LPAR6: variants seen among roughly 807,000 people sequenced by gnomAD.
LPAR6 encodes the protein lysophosphatidic acid receptor 6.
A neutral mutation model predicts 22.0 loss-of-function variants in LPAR6; 17 were observed. That is an observed-to-expected ratio of 0.77 (90% CI 0.53 to 1.16). The LOEUF is 1.16. Ranked by LOEUF, LPAR6 falls within the 50% of genes most tolerant of loss-of-function variation. The pLI is 0.00. For missense variants in LPAR6, 384 were observed against 406.9 expected, an observed-to-expected ratio of 0.94 and a Z score of 0.48; for synonymous variants, 136 against 139.8, an observed-to-expected ratio of 0.97 and a Z score of 0.19.
chr13:48,390,191 A>G (rs915876087), intron 1 of LPAR6, among the ~76,000 whole-genome samples: 2 of 152,176 alleles, frequency 1.3e-5, no homozygotes, highest in African/African-American at 4.8e-5. Context: ...AAACAAACAA[A>G]AAGTAACAGG....
chr13:48,400,864 C>T (rs140167808), intron 1 of LPAR6, among the ~76,000 whole-genome samples: 55 of 152,142 alleles, frequency 3.6e-4, no homozygotes, highest in African/African-American at 1.3e-3. Flanking sequence ...AACAGAGAAC[C>T]GAGGATTCAG....
intron 1 of LPAR6, among the ~76,000 whole-genome samples, chr13:48,394,210 G>A (rs1452195895): frequency 6.6e-6 from 1 of 152,164 alleles, no homozygotes; most frequent in Non-Finnish European, 1.5e-5. Flanking sequence ...GAGGAACATT[G>A]CATTCCAGCC....
Position 48,411,363 on chromosome 13 carries a change from T to C in LPAR6, c.*26A>G. On this transcript the variant is annotated 3_prime_UTR_variant, in exon 1 of 1. Transcript: ENST00000620633. ...CAGTTGAAGGAACTTGAAAGTTCTG[T>C]CCCAGTGAGTCCTAATGGTTTTATT... The C allele has an allele frequency of 6.4e-7, 1 of 1,572,842 alleles. No individual in the cohort carries two copies.
chr13:48,412,800 G>A lies in LPAR6; in HGVS notation c.-377C>T, dbSNP rs969073603. On this transcript the variant is annotated 5_prime_UTR_variant, in exon 1 of 1. Coordinates refer to ENST00000620633, the MANE Select transcript of LPAR6 (RefSeq NM_001162498.3). Reference sequence around the variant, plus strand: ...ATGAAACCACTTGTCTTCTAAACTTGTATTTCAGTAGTCAAGATGAATACT... The same window carrying A: ...ATGAAACCACTTGTCTTCTAAACTTATATTTCAGTAGTCAAGATGAATACT... The A allele has an allele frequency of 1.5e-5, 4 of 260,614 alleles. No homozygotes were observed. Among genetic ancestry groups the A allele is most frequent in the Non-Finnish European group, 2.4e-5 (3 of 124,110 alleles). 16.1% of individuals were successfully genotyped at this position (260,614 alleles called of 1,614,324 possible). A position where few individuals can be genotyped will look rare whatever the true frequency, so the allele number is the denominator to read the frequency against.
At position 48,394,228 on chromosome 13, in the gene LPAR6, T is replaced by C. The variant is rs979259656; in HGVS notation, n.115-4416A>G. Among the ~76,000 whole-genome samples the C allele has an allele frequency of 7.5e-4, 115 of 152,320 alleles. 4 individuals carry two copies. Among genetic ancestry groups the C allele is most frequent in the Non-Finnish European group, 1.9e-4 (13 of 68,028 alleles). On this transcript the variant is annotated intron_variant and non_coding_transcript_variant, in intron 1 of 1. Transcript: ENST00000462781. ...GAACATTGCATTCCAGCCCAGATAC[T>C]ATGCTTTTCCCACAGTCTTCGCAAC... is the stretch of plus-strand genomic sequence containing the variant.
intron 1 of LPAR6, among the ~76,000 whole-genome samples, chr13:48,434,731 T>G (rs1593513738): frequency 1.3e-5 from 2 of 152,230 alleles, no homozygotes; most frequent in East Asian, 3.9e-4. Flanking sequence ...CCCTCCAGCC[T>G]CTCTACCCCT....
At position 48,411,813 on chromosome 13, in the gene LPAR6, G is replaced by C. The variant is rs749778807; in HGVS notation, c.611C>G (p.Ser204Cys). ...GGTTAAAGTTTTTAGCACCATACTA[G>C]AACAAGTTACATTTAAAATTAGAGG... Reference protein sequence around the residue: ...FIPLILNVTCSSMVLKTLTKP... With the variant: ...FIPLILNVTCCSMVLKTLTKP... Residue 204 changes from serine (S) to cysteine (C), a missense_variant, in exon 1 of 1, where the codon TCT becomes TGT. By Grantham distance (112) the Ser-to-Cys change is moderately radical. Transcript: ENST00000620633. The C allele has an allele frequency of 6.2e-7, 1 of 1,612,596 alleles. No homozygotes were observed. The highest frequency in any genetic ancestry group is 1.7e-5 in the Admixed American group (1 of 59,998).
chr13:48,402,467 T>C (rs930490074), intron 1 of LPAR6, among the ~76,000 whole-genome samples: 2 of 148,422 alleles, frequency 1.3e-5, no homozygotes, highest in African/African-American at 4.9e-5. Flanking sequence ...AGCCTTGAAC[T>C]CTTGGGCTCA....
intron 1 of LPAR6, among the ~76,000 whole-genome samples, chr13:48,397,642 TAAAA>T (rs1259193663): frequency 6.6e-6 from 1 of 152,076 alleles, no homozygotes; most frequent in African/African-American, 2.4e-5. Context: ...TAAAGTATAA[TAAAA>T]AAACAGAAAA....
intron 1 of LPAR6, among the ~76,000 whole-genome samples, chr13:48,433,167 T>C (rs886241334): frequency 1.3e-5 from 2 of 152,142 alleles, no homozygotes; most frequent in African/African-American, 2.4e-5. Context: ...CTCAGTATTA[T>C]GAAATATCTA....
chr13:48,441,816 TG>T (rs1003108186), intron 1 of LPAR6, among the ~76,000 whole-genome samples: 22 of 152,180 alleles, frequency 1.4e-4, no homozygotes, highest in African/African-American at 5.3e-4. Flanking sequence ...TTTCATTCTG[TG>T]GTATAGAGAT....
At chr13:48,423,591 T>G (rs1394009916) in intron 1 of LPAR6, among the ~76,000 whole-genome samples, 1 of 152,176 alleles carries the variant, frequency 6.6e-6, no homozygotes, top group Non-Finnish European at 1.5e-5. Flanking sequence ...CAAAGAGGAA[T>G]CGATTAAAAC....
rs146447607 is a variant in LPAR6, at chr13:48,394,417, C to T, written n.115-4605G>A. 6.5e-3 allele frequency among the ~76,000 whole-genome samples: 997 copies of T among 152,270 alleles called. 15 individuals carry two copies. The highest frequency in any genetic ancestry group is 0.023 in the African/African-American group (948 of 41,554). On this transcript the variant is annotated intron_variant and non_coding_transcript_variant, in intron 1 of 1. Coordinates refer to the LPAR6 transcript ENST00000462781. ...AGCGAGTTAGAACCATTCACTCCCC[C>T]GGAAAGGGGGCTGAAGCCAGGGAGC...
intron 1 of LPAR6, among the ~76,000 whole-genome samples, chr13:48,392,813 T>C (rs1335910628): frequency 6.6e-6 from 1 of 152,128 alleles, no homozygotes; most frequent in South Asian, 2.1e-4. Flanking sequence ...TGCTTGGTGA[T>C]TTTTTTGTTA....
intron 2 of LPAR6, among the ~76,000 whole-genome samples, chr13:48,418,875 C>T (rs763588087): frequency 2.6e-5 from 4 of 152,110 alleles, no homozygotes; most frequent in Non-Finnish European, 5.9e-5. Flanking sequence ...CAGGAGCACC[C>T]AGATTCATAA....
At chr13:48,404,186 C>T (rs1051080028) in intron 1 of LPAR6, 2 of 152,046 alleles carry the variant, frequency 1.3e-5, no homozygotes, top group African/African-American at 2.4e-5. Context: ...CTTACAGACA[C>T]GGGGCTAGGG....
intron 2 of LPAR6, among the ~76,000 whole-genome samples, chr13:48,421,396 C>T (rs570660297): frequency 1.3e-5 from 2 of 152,136 alleles, no homozygotes; most frequent in Non-Finnish European, 2.9e-5. Context: ...AAATGTAAGA[C>T]CTAAAGCCAT....
intron 1 of LPAR6, among the ~76,000 whole-genome samples, chr13:48,404,982 A>G (rs144554267): frequency 2.0e-5 from 3 of 152,334 alleles, no homozygotes; most frequent in East Asian, 1.9e-4. Flanking sequence ...TGACAGCAAA[A>G]TGAAATTTGG....
At position 48,405,937 on chromosome 13, in the gene LPAR6, A is replaced by G. The variant is rs543576023; in HGVS notation, n.114+9763T>C. Among the ~76,000 whole-genome samples the G allele has an allele frequency of 2.6e-5, 4 of 152,216 alleles. No individual in the cohort carries two copies. The East Asian group carries it at 7.7e-4, about 29-fold the overall frequency. On this transcript the variant is annotated intron_variant and non_coding_transcript_variant, in intron 1 of 1. Coordinates refer to the LPAR6 transcript ENST00000462781. The stretch of plus-strand genomic sequence containing the variant: ...TTTTCATTTAACACTACCTTCTTGA[A>G]GTCATTCCATATCAATTTATAGAGA...
Sources: gnomAD v4.1 joint callset for allele counts (sites outside exome capture counted in the v4.1 genomes callset) on GRCh38, gnomAD v4.1.1 for gene constraint, MANE v1.5 for transcripts, NCBI Gene and HGNC (gene_info 2026-07-23, HGNC 2026-07-21) for gene names.